The following SLC1A4 variants were observed in gnomAD, a reference collection of about 807,000 sequenced individuals.
The protein encoded by SLC1A4 is neutral amino acid transporter A.
A neutral mutation model predicts 37.7 loss-of-function variants in SLC1A4; 19 were observed. That is an observed-to-expected ratio of 0.50 (90% CI 0.35 to 0.74). SLC1A4 has a LOEUF of 0.74. Among genes scored for constraint, SLC1A4 ranks in the 30% least tolerant of loss-of-function variants. The pLI, the probability that SLC1A4 is intolerant of heterozygous loss-of-function variation, is 0.01. For missense variants in SLC1A4, 570 were observed against 712.9 expected, an observed-to-expected ratio of 0.80 and a Z score of 2.28; for synonymous variants, 299 against 309.8, an observed-to-expected ratio of 0.97 and a Z score of 0.37.
chr2:65,004,275 C>G (rs2103652331), intron 3 of SLC1A4, among the ~76,000 whole-genome samples: 1 of 152,188 alleles, frequency 6.6e-6, no homozygotes, highest in East Asian at 1.9e-4. Flanking sequence ...TTGTTTGAAA[C>G]AGGGTCTCGC....
Position 65,023,391 on chromosome 2 carries a change from G to A in SLC1A4, c.*2245G>A, listed in dbSNP as rs1010878767. 1 of 152,210 alleles carries A rather than the reference G, an allele frequency of 6.6e-6. No individual in the cohort carries two copies. The highest frequency in any genetic ancestry group is 1.5e-5 in the Non-Finnish European group (1 of 68,036). The allele number at this position is 152,210 out of a possible 1,614,324, so 9.4% of individuals were successfully genotyped here. A position where few individuals can be genotyped will look rare whatever the true frequency, so the allele number is the denominator to read the frequency against. On this transcript the variant is annotated 3_prime_UTR_variant, in exon 8 of 8. Transcript: ENST00000234256. Reference sequence around the variant, plus strand: ...TTAGCTCCAAGCCAAGCAAGTTTGTGTTTGGATAGAGGGGAACTTAACTAT... The same window carrying A: ...TTAGCTCCAAGCCAAGCAAGTTTGTATTTGGATAGAGGGGAACTTAACTAT...
rs770439879 is a variant in SLC1A4 at position 65,018,232 on chromosome 2, T to G, written c.1196T>G (p.Val399Gly). The part of the protein sequence containing the change: ...AAVFIAQLNN[V>G]ELNAGQIFTI... The stretch of plus-strand genomic sequence containing the variant: ...GTGTTCATTGCGCAACTCAACAACG[T>G]AGAGCTCAACGCAGGACAGATTTTC... The change falls in exon 6 of 8, where the codon GTA becomes GGA. Residue 399 changes from valine to glycine, a missense_variant. Transcript: ENST00000234256. This position sits in a 1 kb window ranked among gnomAD's most constrained non-coding sequence, Gnocchi z 4.3. 19 of 1,614,020 alleles carry G rather than the reference T, an allele frequency of 1.2e-5. No homozygotes were observed. The highest frequency in any genetic ancestry group is 1.1e-5 in the Non-Finnish European group (13 of 1,180,018).
chr2:64,995,457 C>T (rs759887189), intron 1 of SLC1A4, among the ~76,000 whole-genome samples: 1 of 152,110 alleles, frequency 6.6e-6, no homozygotes, highest in African/African-American at 2.4e-5. Flanking sequence ...CTTAATTTCC[C>T]CCAAAAGATC....
Position 64,990,141 on chromosome 2 carries a change from G to A in SLC1A4, c.498G>A (p.Glu166=). 6.2e-7 allele frequency: 1 copy of A among 1,609,614 alleles called. No individual in the cohort carries two copies. The highest frequency in any genetic ancestry group is 1.1e-5 in the South Asian group (1 of 90,392). ...EDSGPPPVPK[E]TVDSFLDLAR... Reference sequence around the variant, plus strand: ...CGGGGCCTCCTCCTGTCCCCAAAGAGACGGTGGACTCTTTCCTCGACCTGG... The same window carrying A: ...CGGGGCCTCCTCCTGTCCCCAAAGAAACGGTGGACTCTTTCCTCGACCTGG... The change falls in exon 1 of 8, where the codon GAG becomes GAA. Residue 166 remains glutamate, a synonymous_variant. Coordinates refer to ENST00000234256, the MANE Select transcript of SLC1A4 (RefSeq NM_003038.5).
intron 3 of SLC1A4, 46 bp from the exon 4 acceptor site, chr2:65,010,551 C>G (rs1427472865): frequency 6.7e-7 from 1 of 1,487,250 alleles, no homozygotes; most frequent in Non-Finnish European, 9.1e-7. Flanking sequence ...ATCTTTAATT[C>G]TCACTCATCT....
chr2:64,991,592 T>TAAC (rs10659733), intron 1 of SLC1A4, among the ~76,000 whole-genome samples: 94,398 of 149,030 alleles, frequency 0.63, 30,135 homozygotes, highest in Admixed American at 0.72. Context: ...CACACCCAGC[T>TAAC]TTTTGTTTGT....
At chr2:65,012,390 A>C (rs1182489311) in intron 4 of SLC1A4, among the ~76,000 whole-genome samples, 1 of 152,142 alleles carries the variant, frequency 6.6e-6, no homozygotes, top group Non-Finnish European at 1.5e-5. Flanking sequence ...CGCCCAGCCT[A>C]CTTAATTGTT....
intron 3 of SLC1A4, among the ~76,000 whole-genome samples, chr2:65,007,956 T>C (rs1486129013): frequency 1.3e-5 from 2 of 152,182 alleles, no homozygotes; most frequent in African/African-American, 4.8e-5. Flanking sequence ...TTGTATCCAT[T>C]AATCAACTTC....
chr2:64,993,212 T>C (rs1673128551), intron 1 of SLC1A4, among the ~76,000 whole-genome samples: 1 of 152,238 alleles, frequency 6.6e-6, no homozygotes, highest in South Asian at 2.1e-4. Flanking sequence ...GCATAGCTGC[T>C]GCTGAGGCTT....
chr2:64,991,333 A>AAC (rs140480636), intron 1 of SLC1A4, among the ~76,000 whole-genome samples: 21,842 of 149,552 alleles, frequency 0.15, 1,569 homozygotes, highest in East Asian at 0.22. Context: ...AAACAACAAC[A>AAC]AAAAAAAACC....
intron 7 of SLC1A4, among the ~76,000 whole-genome samples, chr2:65,019,271 T>C (rs1413392483): frequency 1.3e-5 from 2 of 152,162 alleles, no homozygotes; most frequent in Admixed American, 6.5e-5. Flanking sequence ...ATCTATTTTA[T>C]AGGGAAGGCT....
intron 4 of SLC1A4, among the ~76,000 whole-genome samples, chr2:65,015,194 T>C (rs1202716926): frequency 6.6e-6 from 1 of 152,246 alleles, no homozygotes; most frequent in African/African-American, 2.4e-5. Context: ...TAGGCTGTTA[T>C]GTTTAATGAT....
chr2:64,989,640 C>T lies in SLC1A4; in HGVS notation c.-4C>T. The T allele has an allele frequency of 6.6e-7, 1 of 1,511,596 alleles. No homozygotes were observed. Among genetic ancestry groups the T allele is most frequent in the Non-Finnish European group, 8.8e-7 (1 of 1,137,796 alleles). 93.6% of individuals were successfully genotyped at this position (1,511,596 alleles called of 1,614,324 possible). On this transcript the variant is annotated 5_prime_UTR_variant, in exon 1 of 8. Transcript: ENST00000234256. ...ACCTCTAGCTCGGAGCGGCGTGTAG[C>T]GCCATGGAGAAGAGCAACGAGACCA... is the stretch of plus-strand genomic sequence containing the variant.
chr2:64,988,516 A>G (rs115883143), upstream of SLC1A4: 1 of 152,366 alleles, frequency 6.6e-6, no homozygotes, highest in African/African-American at 2.4e-5. Context: ...ACCCAGCCCC[A>G]TCCTGATGGC....
At chr2:65,007,486 G>A (rs1476446991) in intron 3 of SLC1A4, among the ~76,000 whole-genome samples, 1 of 152,124 alleles carries the variant, frequency 6.6e-6, no homozygotes, top group South Asian at 2.1e-4. Flanking sequence ...AGTCTGCCTA[G>A]GTGTGCAGCC....
Position 64,989,727 on chromosome 2 carries a change from G to T in SLC1A4, c.84G>T (p.Ala28=). 1 of 1,479,316 alleles carries T rather than the reference G, an allele frequency of 6.8e-7. No homozygotes were observed. The highest frequency in any genetic ancestry group is 8.9e-7 in the Non-Finnish European group (1 of 1,120,030). 91.6% of individuals were successfully genotyped at this position (1,479,316 alleles called of 1,614,324 possible). Residue 28 remains alanine (A), a synonymous_variant, in exon 1 of 8, where the codon GCG becomes GCT. Transcript: ENST00000234256. ...CCGGGCCCGGAGCTCCGGGGACCGC[G>T]GCGGGACGCGCACGGCGTTGCGCGG... is the stretch of plus-strand genomic sequence containing the variant. The part of the protein sequence containing the change: ...PAAGPGAPGT[A]AGRARRCAGF...
chr2:64,989,685 T>A lies in SLC1A4; in HGVS notation c.42T>A (p.Ala14=). 6.5e-7 allele frequency: 1 copy of A among 1,541,198 alleles called. No individual in the cohort carries two copies. The highest frequency in any genetic ancestry group is 8.7e-7 in the Non-Finnish European group (1 of 1,150,096). Residue 14 remains alanine, a synonymous_variant, in exon 1 of 8, where the codon GCT becomes GCA. Transcript: ENST00000234256. ...AGACCAACGGCTACCTTGACAGCGCTCAGGCGGGGCCTGCGGCCGGGCCCG... is the reference window on the plus strand; with the variant it reads ...AGACCAACGGCTACCTTGACAGCGCACAGGCGGGGCCTGCGGCCGGGCCCG... The part of the protein sequence containing the change: ...SNETNGYLDS[A]QAGPAAGPGA...
At chr2:65,009,391 GA>G (rs1673820840) in intron 3 of SLC1A4, among the ~76,000 whole-genome samples, 1 of 146,198 alleles carries the variant, frequency 6.8e-6, no homozygotes, top group South Asian at 2.2e-4. Context: ...AAAAAAAAAA[GA>G]AAAGAAAGAA....
upstream of SLC1A4, chr2:64,988,612 T>C (rs1194677808): frequency 6.6e-6 from 1 of 152,284 alleles, no homozygotes; most frequent in African/African-American, 2.4e-5. Flanking sequence ...GAGCCCCCTT[T>C]CTCTAGCGGT....
Sources: allele counts gnomAD v4.1 joint callset (sites outside exome capture counted in the v4.1 genomes callset), GRCh38; gene constraint gnomAD v4.1.1; non-coding constraint Gnocchi (gnomAD v3.1); transcripts MANE v1.5; gene names NCBI Gene and HGNC (gene_info 2026-07-23, HGNC 2026-07-21).